RNF150: variants seen among roughly 807,000 people sequenced by gnomAD.
The protein encoded by RNF150 is ring finger protein 150.
A neutral mutation model predicts 39.3 loss-of-function variants in RNF150; 24 were observed. That is an observed-to-expected ratio of 0.61 (90% CI 0.44 to 0.86). RNF150 has a LOEUF of 0.86. RNF150 is among the 40% of genes least tolerant of loss of function. The pLI, the probability that RNF150 is intolerant of heterozygous loss-of-function variation, is 0.00. For missense variants in RNF150, 502 were observed against 587.8 expected, an observed-to-expected ratio of 0.85 and a Z score of 1.51; for synonymous variants, 255 against 227.3, an observed-to-expected ratio of 1.12 and a Z score of -1.10.
At chr4:141,150,187 G>A (rs1403899775) in intron 1 of RNF150, among the ~76,000 whole-genome samples, 4 of 151,984 alleles carry the variant, frequency 2.6e-5, no homozygotes, top group African/African-American at 9.7e-5. Flanking sequence ...AGTCCAAAAG[G>A]GCTGACATAT....
intron 4 of RNF150, among the ~76,000 whole-genome samples, chr4:140,931,824 T>G (rs1404164362): frequency 6.6e-6 from 1 of 152,218 alleles, no homozygotes; most frequent in Non-Finnish European, 1.5e-5. Context: ...GCAGAGATGA[T>G]GATGAATAAT....
At chr4:140,919,128 G>A (rs1296530502) in intron 5 of RNF150, among the ~76,000 whole-genome samples, 1 of 145,038 alleles carries the variant, frequency 6.9e-6, no homozygotes, top group Non-Finnish European at 1.5e-5. Context: ...ACTGGCACAA[G>A]ACAGGGATGC....
chr4:140,912,779 AACTC>A (rs1730655724), intron 5 of RNF150, among the ~76,000 whole-genome samples: 1 of 152,150 alleles, frequency 6.6e-6, no homozygotes, highest in Non-Finnish European at 1.5e-5. Context: ...AATTCACTGA[AACTC>A]AATCTGTCAA....
chr4:141,018,452 A>G (rs1465962610), intron 1 of RNF150, among the ~76,000 whole-genome samples: 2 of 152,170 alleles, frequency 1.3e-5, no homozygotes, highest in African/African-American at 4.8e-5. Context: ...TCTTACTGAA[A>G]AAAAGCCCAA....
intron 1 of RNF150, among the ~76,000 whole-genome samples, chr4:141,057,605 C>T (rs1385551884): frequency 1.3e-5 from 2 of 152,100 alleles, no homozygotes; most frequent in Non-Finnish European, 2.9e-5. Context: ...TTTGCATCCT[C>T]ATAGCTTAGC....
intron 1 of RNF150, among the ~76,000 whole-genome samples, chr4:141,059,560 T>C (rs1454474556): frequency 1.3e-5 from 2 of 151,798 alleles, no homozygotes; most frequent in Non-Finnish European, 1.5e-5. Flanking sequence ...CAATTCTCTA[T>C]TTTTTTTGCA....
At chr4:141,210,438 C>G (rs1226121888) in intron 1 of RNF150, among the ~76,000 whole-genome samples, 6 of 150,812 alleles carry the variant, frequency 4.0e-5, no homozygotes, top group Admixed American at 3.3e-4. Context: ...TCAGACAACA[C>G]ACTCCTTACA....
chr4:141,099,403 G>A (rs1044559381), intron 1 of RNF150, among the ~76,000 whole-genome samples: 2 of 152,058 alleles, frequency 1.3e-5, no homozygotes, highest in Non-Finnish European at 2.9e-5. Flanking sequence ...GCATTTTTCT[G>A]GCTCAGAAAG....
At chr4:141,150,550 TC>T (rs1424556147) in intron 1 of RNF150, among the ~76,000 whole-genome samples, 2 of 152,272 alleles carry the variant, frequency 1.3e-5, no homozygotes, top group Non-Finnish European at 2.9e-5. Flanking sequence ...GTCACTTCTT[TC>T]CTCAATTTTC....
chr4:141,137,703 T>A (rs1458230550), upstream of RNF150, among the ~76,000 whole-genome samples: 1 of 152,196 alleles, frequency 6.6e-6, no homozygotes, highest in East Asian at 1.9e-4. Context: ...GATTACTGAA[T>A]GAAAGCACAT....
At chr4:141,045,636 C>T (rs1209020231) in intron 1 of RNF150, among the ~76,000 whole-genome samples, 15 of 152,006 alleles carry the variant, frequency 9.9e-5, no homozygotes, top group South Asian at 8.3e-4. Context: ...CTCCGCCTCC[C>T]GGTTTCAAGC....
intron 6 of RNF150, among the ~76,000 whole-genome samples, chr4:140,905,488 G>A (rs887319554): frequency 6.6e-6 from 1 of 152,114 alleles, no homozygotes; most frequent in Non-Finnish European, 1.5e-5. Context: ...GTATAAAGGG[G>A]AACTTGTTCG....
intron 1 of RNF150, among the ~76,000 whole-genome samples, chr4:141,082,714 G>A (rs7660870): frequency 0.31 from 46,497 of 150,444 alleles, 8,482 homozygotes; most frequent in East Asian, 0.75. Flanking sequence ...TCAGCCTCCC[G>A]AGTAGCTGGG....
intron 1 of RNF150, among the ~76,000 whole-genome samples, chr4:141,001,316 T>C (rs927080432): frequency 6.6e-6 from 1 of 152,110 alleles, no homozygotes; most frequent in African/African-American, 2.4e-5. Flanking sequence ...TTCTTCATCA[T>C]TGTCAATCTC....
At chr4:141,136,355 G>GAA (rs150843030), upstream of RNF150, among the ~76,000 whole-genome samples, 4 of 150,418 alleles carry the variant, frequency 2.7e-5, no homozygotes, top group African/African-American at 9.8e-5. Context: ...AAATGGTTCA[G>GAA]AAAAAAAAAT....
Position 140,966,286 on chromosome 4 carries a change from G to A in RNF150, c.735+1337C>T, listed in dbSNP as rs188198260. On this transcript the variant is annotated intron_variant, in intron 2 of 6. Coordinates refer to ENST00000515673, the MANE Select transcript of RNF150 (RefSeq NM_020724.2). The stretch of plus-strand genomic sequence containing the variant: ...ACCCAGGAGGTGAAGGTTGCAATGA[G>A]CCAAGATTTTGCCACTGGACTCCAC... Among the ~76,000 whole-genome samples the A allele has an allele frequency of 5.3e-5, 8 of 152,206 alleles. No individual in the cohort carries two copies. The East Asian group carries it at 1.4e-3, about 26-fold the overall frequency.
intron 1 of RNF150, among the ~76,000 whole-genome samples, chr4:141,116,959 G>A (rs897611779): frequency 1.3e-5 from 2 of 152,024 alleles, no homozygotes; most frequent in Admixed American, 1.3e-4. Context: ...CATGAACACA[G>A]GAAGGGGAAC....
At position 141,132,885 on chromosome 4, in the gene RNF150, C is replaced by G; in HGVS notation, c.-77G>C. ...CCCTCCTCCCCAGCCCCGGCCAACC[C>G]CGGGCCGCTGCCTCTCCTCCTGCTG... On this transcript the variant is annotated 5_prime_UTR_variant, in exon 1 of 7. Transcript: ENST00000515673. The surrounding 1 kb of genome is among the most constrained non-coding windows in gnomAD (Gnocchi z 4.9). 1 of 1,271,692 alleles carries G rather than the reference C, an allele frequency of 7.9e-7. No individual in the cohort carries two copies. The highest frequency in any genetic ancestry group is 1.1e-6 in the Non-Finnish European group (1 of 900,472). 78.8% of individuals were successfully genotyped at this position (1,271,692 alleles called of 1,614,324 possible). A position where few individuals can be genotyped will look rare whatever the true frequency, so the allele number is the denominator to read the frequency against.
intron 1 of RNF150, among the ~76,000 whole-genome samples, chr4:141,191,713 A>T (rs923897111): frequency 1.3e-5 from 2 of 152,206 alleles, no homozygotes; most frequent in Admixed American, 6.5e-5. Context: ...TATATTATCT[A>T]TCTATCTATC....
Sources: allele counts gnomAD v4.1 joint callset (sites outside exome capture counted in the v4.1 genomes callset), GRCh38; gene constraint gnomAD v4.1.1; non-coding constraint Gnocchi (gnomAD v3.1); transcripts MANE v1.5; gene names NCBI Gene and HGNC (gene_info 2026-07-23, HGNC 2026-07-21).